Variants in NUMA1 observed in about 807,000 individuals in gnomAD.
NUMA1 encodes nuclear mitotic apparatus protein 1, also known as SP-H antigen.
In NUMA1, 62 loss-of-function variants were observed where a neutral mutation model predicts 237.1. The observed-to-expected ratio is 0.26, with a 90% confidence interval of 0.21 to 0.32. The LOEUF (loss-of-function observed/expected upper bound fraction) is 0.32, where lower values mean the gene tolerates loss of function less well. Ranked by LOEUF, NUMA1 falls within the 10% of genes least tolerant of loss-of-function variation. NUMA1 has a pLI of 1.00. For missense variants in NUMA1, 2,533 were observed against 2,666.5 expected, an observed-to-expected ratio of 0.95 and a Z score of 1.10; for synonymous variants, 1,028 against 1,066.1, an observed-to-expected ratio of 0.96 and a Z score of 0.70.
Position 72,023,050 on chromosome 11 carries a change from GT to G in NUMA1, c.291+14del. 1 of 1,602,416 alleles carries G rather than the reference GT, an allele frequency of 6.2e-7. No individual in the cohort carries two copies. The highest frequency in any genetic ancestry group is 8.5e-7 in the Non-Finnish European group (1 of 1,169,636). On this transcript the variant is annotated intron_variant, in intron 6 of 26. Transcript: ENST00000393695. ...AACCCTGCCCTGCCTCCCCAGTCTG[GT>G]ATTCCATAGGTACCTTCGCCAGTTC... is the stretch of plus-strand genomic sequence containing the variant.
chr11:72,007,360 G>A lies in NUMA1; in HGVS notation c.5292C>T (p.Pro1764=), dbSNP rs745357622. The A allele has an allele frequency of 1.9e-6, 3 of 1,613,608 alleles. No homozygotes were observed. Among genetic ancestry groups the A allele is most frequent in the African/African-American group, 1.3e-5 (1 of 74,920 alleles). The change falls in exon 21 of 27, where the codon CCC becomes CCT. Residue 1764 remains proline, a synonymous_variant. Transcript: ENST00000393695. ...GACTCTCCAGGGATTCTACCTTGGG[G>A]GGCAGGCGCTGGGAGATAGGTGAGG... ...EPASPISQRL[P]PKVESLESLY... is the part of the protein sequence containing the mutation.
intron 2 of NUMA1, among the ~76,000 whole-genome samples, chr11:72,061,485 C>CTTTT (rs767581846): frequency 2.6e-4 from 31 of 117,324 alleles, no homozygotes; most frequent in South Asian, 7.4e-4. Flanking sequence ...TGTTTCTTTT[C>CTTTT]TTTTTTTTTT....
chr11:72,034,328 CATGAG>C (rs1382356350), intron 3 of NUMA1, among the ~76,000 whole-genome samples: 1 of 152,030 alleles, frequency 6.6e-6, no homozygotes, highest in Non-Finnish European at 1.5e-5. Context: ...GTAATTACCC[CATGAG>C]ATATTTTATT....
Position 72,004,096 on chromosome 11 carries a change from C to A in NUMA1, c.6127G>T (p.Asp2043Tyr). The change falls in exon 26 of 27, where the codon GAC becomes TAC. Residue 2043 changes from aspartate (D) to tyrosine (Y), a missense_variant. Transcript: ENST00000393695. Reference sequence around the variant, plus strand: ...CTGAAGGCCATCGACTGGCGCCGGTCAGCCTGCAAGGAAGGGCTGTCAGAC... The same window carrying A: ...CTGAAGGCCATCGACTGGCGCCGGTAAGCCTGCAAGGAAGGGCTGTCAGAC... The part of the protein sequence containing the change: ...KAAPASTKQA[D>Y]RRQSMAFSIL... 6.2e-7 allele frequency: 1 copy of A among 1,613,192 alleles called. No individual in the cohort carries two copies. Among genetic ancestry groups the A allele is most frequent in the South Asian group, 1.1e-5 (1 of 91,022 alleles).
At chr11:72,075,067 T>TAAATAAATA (rs1943647764) in intron 1 of NUMA1, among the ~76,000 whole-genome samples, 1 of 139,048 alleles carries the variant, frequency 7.2e-6, no homozygotes, top group African/African-American at 3.0e-5. Context: ...ATAAATAAAA[T>TAAATAAATA]AAAAATAATA....
Position 72,015,663 on chromosome 11 carries a change from C to G in NUMA1, c.1840G>C (p.Ala614Pro), listed in dbSNP as rs148204936. Residue 614 changes from alanine (A) to proline (P), a missense_variant, in exon 15 of 27, where the codon GCT becomes CCT. By Grantham distance (27) the Ala-to-Pro change is conservative. Coordinates refer to ENST00000393695, the MANE Select transcript of NUMA1 (RefSeq NM_006185.4). The surrounding 1 kb of genome is among the most constrained non-coding windows in gnomAD (Gnocchi z 4.0). ...KQLEALEKEK[A>P]AKLEILQQQL... ...TGCTGCAGAATCTCCAGCTTGGCAG[C>G]CTTCTCCTTCTCCAGTGCCTCCAGC... 9.9e-5 allele frequency: 159 copies of G among 1,613,920 alleles called. No individual in the cohort carries two copies. The African/African-American group carries it at 1.9e-3, about 20-fold the overall frequency.
chr11:72,025,221 C>A, intron 4 of NUMA1, among the ~76,000 whole-genome samples: 1 of 152,130 alleles, frequency 6.6e-6, no homozygotes, highest in East Asian at 1.9e-4. Context: ...TGGTTCTTGT[C>A]TGTACTTGCT....
rs139453436 is a variant in NUMA1, at chr11:72,027,399, C to A, written c.128+1806G>T. Among the ~76,000 whole-genome samples, 221 of 151,978 alleles carry A rather than the reference C, an allele frequency of 1.5e-3. 1 individual carries two copies. The highest frequency in any genetic ancestry group is 3.1e-3 in the South Asian group (15 of 4,810). On this transcript the variant is annotated intron_variant, in intron 4 of 26. Coordinates refer to ENST00000393695, the MANE Select transcript of NUMA1 (RefSeq NM_006185.4). ...ATGCTGACTTACAGGTGGTACACAA[C>A]CCCAACTATGAAGTATCCTTGACAA...
At chr11:72,016,358 T>A in intron 14 of NUMA1, 50 bp downstream of exon 14, 1 of 1,605,634 alleles carries the variant, frequency 6.2e-7, no homozygotes, top group Non-Finnish European at 8.5e-7. Flanking sequence ...ATGTACTGAA[T>A]GTGAGTCCAC....
intron 2 of NUMA1, chr11:72,039,597 A>G (rs191957949): frequency 4.6e-5 from 7 of 152,144 alleles, no homozygotes; most frequent in Admixed American, 1.3e-4. Context: ...ACAAGCTCCC[A>G]CCTCAAAGGG....
At chr11:72,044,993 C>T (rs1366487765) in intron 2 of NUMA1, among the ~76,000 whole-genome samples, 1 of 152,104 alleles carries the variant, frequency 6.6e-6, no homozygotes, top group Non-Finnish European at 1.5e-5. Flanking sequence ...TCTTGTATTA[C>T]ACTGGTGATA....
At position 72,004,316 on chromosome 11, in the gene NUMA1, G is replaced by A. The variant is rs1159138091; in HGVS notation, c.6032C>T (p.Pro2011Leu). The A allele has an allele frequency of 6.2e-7, 1 of 1,613,110 alleles. No individual in the cohort carries two copies. The highest frequency in any genetic ancestry group is 2.2e-5 in the East Asian group (1 of 44,868). The part of the protein sequence containing the change: ...PESKKATSCF[P>L]RPMTPRDRHE... ...TCGGTCTCGGGGAGTCATGGGGCGTGGGAAACAGCTGGTGGCCTTCTTAGA... is the reference window on the plus strand; with the variant it reads ...TCGGTCTCGGGGAGTCATGGGGCGTAGGAAACAGCTGGTGGCCTTCTTAGA... The change falls in exon 25 of 27, where the codon CCA becomes CTA. Residue 2011 changes from proline (P) to leucine (L), a missense_variant. By Grantham distance (98) the Pro-to-Leu change is moderately conservative (BLOSUM62 -3). Transcript: ENST00000393695.
chr11:72,042,509 A>G (rs1387301475), intron 2 of NUMA1, among the ~76,000 whole-genome samples: 1 of 152,218 alleles, frequency 6.6e-6, no homozygotes, highest in Non-Finnish European at 1.5e-5. Context: ...TTGGACCTTG[A>G]AACACACAGG....
intron 2 of NUMA1, chr11:72,049,370 G>A (rs1206694267): frequency 6.6e-6 from 1 of 151,210 alleles, no homozygotes; most frequent in African/African-American, 2.4e-5. Flanking sequence ...GCAAGTCACA[G>A]AGGCAAATTA....
chr11:72,017,546 A>T, intron 13 of NUMA1, 141 bp downstream of exon 13: 1 of 1,084,144 alleles, frequency 9.2e-7, no homozygotes, highest in Non-Finnish European at 1.4e-6. Context: ...TGAAGCCCAC[A>T]ATCTTTCAAT....
intron 1 of NUMA1, among the ~76,000 whole-genome samples, chr11:72,079,036 T>A (rs1418199359): frequency 6.6e-6 from 1 of 152,214 alleles, no homozygotes; most frequent in Non-Finnish European, 1.5e-5. Flanking sequence ...GGAGTGCCAT[T>A]CCAGTAAAGA....
At chr11:72,008,946 G>A (rs771240681) in intron 19 of NUMA1, 21 bp downstream of exon 19, 5 of 1,597,778 alleles carry the variant, frequency 3.1e-6, no homozygotes, top group Non-Finnish European at 4.2e-6. Context: ...AGTGAGGTGA[G>A]TCTGCCAGCC....
chr11:72,059,270 C>T (rs976586839), intron 2 of NUMA1, among the ~76,000 whole-genome samples: 1 of 152,064 alleles, frequency 6.6e-6, no homozygotes, highest in Admixed American at 6.6e-5. Flanking sequence ...AAACAGATTC[C>T]TCACATTTTT....
At chr11:72,079,574 G>C (rs1943939534) in intron 1 of NUMA1, among the ~76,000 whole-genome samples, 1 of 151,950 alleles carries the variant, frequency 6.6e-6, no homozygotes, top group African/African-American at 2.4e-5. Context: ...CTAACTCAGA[G>C]GTAAGCAAAA....
Sources: gnomAD v4.1 joint callset for allele counts (sites outside exome capture counted in the v4.1 genomes callset) on GRCh38, gnomAD v4.1.1 for gene constraint, Gnocchi (gnomAD v3.1) non-coding constraint, MANE v1.5 for transcripts, NCBI Gene and HGNC (gene_info 2026-07-23, HGNC 2026-07-21) for gene names.